CDH18: variants seen among roughly 807,000 people sequenced by gnomAD.
The protein encoded by CDH18 is cadherin-18.
CDH18 carries 31 observed loss-of-function variants against 67.9 expected under a neutral mutation model. The observed-to-expected ratio is 0.46, with a 90% CI of 0.34 to 0.62. The LOEUF (loss-of-function observed/expected upper bound fraction) is 0.62. CDH18 is among the 20% of genes least tolerant of loss of function. CDH18 has a pLI of 0.01. For synonymous variants in CDH18, 362 were observed against 347.2 expected (o/e 1.04, Z -0.48); for missense variants, 890 against 975.5 (o/e 0.91, Z 1.17).
At chr5:20,442,506 A>G (rs1749679905) in intron 1 of CDH18, among the ~76,000 whole-genome samples, 1 of 151,930 alleles carries the variant, frequency 6.6e-6, no homozygotes, top group Non-Finnish European at 1.5e-5. Context: ...TGTGCCATTA[A>G]GTGGTGCGCT....
intron 2 of CDH18, among the ~76,000 whole-genome samples, chr5:20,149,678 T>C (rs1191741008): frequency 6.6e-6 from 1 of 152,304 alleles, no homozygotes; most frequent in East Asian, 1.9e-4. Flanking sequence ...CATTATTTTA[T>C]GGATACTCAC....
intron 1 of CDH18, among the ~76,000 whole-genome samples, chr5:20,396,243 G>C (rs1029607601): frequency 1.3e-5 from 2 of 152,036 alleles, no homozygotes; most frequent in African/African-American, 4.8e-5. Flanking sequence ...GAAGGTATCA[G>C]AATTGAATTT....
chr5:20,508,415 T>G (rs1324297618), intron 1 of CDH18, among the ~76,000 whole-genome samples: 4 of 148,652 alleles, frequency 2.7e-5, no homozygotes, highest in Non-Finnish European at 6.0e-5. Context: ...TAGTATATTA[T>G]ATCCTTTGAG....
chr5:19,591,104 T>C lies in CDH18; in HGVS notation c.952A>G (p.Ile318Val), dbSNP rs1219264630. The C allele has an allele frequency of 1.2e-6, 2 of 1,610,402 alleles. No individual in the cohort carries two copies. The highest frequency in any genetic ancestry group is 2.2e-5 in the East Asian group (1 of 44,790). ...INGDGMGIFS[I>V]STDKETREGI... is the part of the protein sequence containing the mutation. ...TCTCTGGTCTCTTTGTCAGTGGAGA[T>C]TGAGAATATTCCCATGCCATCACCA... The change falls in exon 7 of 13, where the codon ATC becomes GTC. Residue 318 changes from isoleucine (I) to valine (V), a missense_variant. By Grantham distance (29) the Ile-to-Val change is conservative (BLOSUM62 3). Transcript: ENST00000382275.
rs78357875 is a variant in CDH18, at chr5:20,459,620, C to T, written c.-580+115842G>A. On this transcript the variant is annotated intron_variant, in intron 1 of 14. Coordinates refer to the CDH18 transcript ENST00000507958. ...AGACTTCCTGCCTCTGTGTACTGAA[C>T]ATAATTATATGGATGGGCTCTGGGC... Among the ~76,000 whole-genome samples the T allele has an allele frequency of 1.4e-3, 215 of 152,240 alleles. 6 individuals are homozygous for T. The East Asian group carries it at 0.035, about 25-fold the overall frequency.
intron 5 of CDH18, among the ~76,000 whole-genome samples, chr5:19,652,660 C>G (rs1018089088): frequency 6.6e-6 from 1 of 151,858 alleles, no homozygotes; most frequent in African/African-American, 2.4e-5. Flanking sequence ...GAGGAGGTGA[C>G]GATTGGCGTT....
intron 2 of CDH18, among the ~76,000 whole-genome samples, chr5:20,052,386 G>A (rs1201803096): frequency 6.6e-6 from 1 of 152,040 alleles, no homozygotes; most frequent in East Asian, 1.9e-4. Context: ...GGTTTCAGTT[G>A]ACATACTATC....
intron 2 of CDH18, among the ~76,000 whole-genome samples, chr5:19,871,700 T>A (rs1786319912): frequency 6.6e-6 from 1 of 152,032 alleles, no homozygotes; most frequent in South Asian, 2.1e-4. Flanking sequence ...TCCCCTGCTC[T>A]GAGGCATGAA....
intron 8 of CDH18, among the ~76,000 whole-genome samples, chr5:19,561,979 T>G (rs1203635490): frequency 6.6e-6 from 1 of 152,188 alleles, no homozygotes; most frequent in African/African-American, 2.4e-5. Flanking sequence ...CAAAGACTTT[T>G]GATTTTAAGC....
intron 1 of CDH18, among the ~76,000 whole-genome samples, chr5:20,336,180 G>A (rs748628096): frequency 6.6e-5 from 10 of 152,014 alleles, no homozygotes; most frequent in Admixed American, 5.2e-4. Flanking sequence ...TGGTGGACCC[G>A]ACTGCCTCAC....
chr5:19,892,006 C>T, intron 2 of CDH18, among the ~76,000 whole-genome samples: 1 of 152,120 alleles, frequency 6.6e-6, no homozygotes, highest in Admixed American at 6.6e-5. Flanking sequence ...CTTTTCTGTT[C>T]TCTTAGTCCT....
intron 1 of CDH18, among the ~76,000 whole-genome samples, chr5:20,335,394 T>C (rs553530379): frequency 2.4e-4 from 36 of 152,234 alleles, no homozygotes; most frequent in South Asian, 2.1e-3. Context: ...TTATTATTAT[T>C]ATTGTATTGT....
chr5:19,930,389 G>A (rs1579650111), intron 2 of CDH18, among the ~76,000 whole-genome samples: 1 of 151,644 alleles, frequency 6.6e-6, no homozygotes, highest in East Asian at 1.9e-4. Context: ...TAAAGAAAAA[G>A]GTGAAAAGAG....
intron 5 of CDH18, among the ~76,000 whole-genome samples, chr5:19,704,164 ATG>A (rs1165058274): frequency 6.6e-6 from 1 of 152,180 alleles, no homozygotes; most frequent in East Asian, 1.9e-4. Context: ...TTACTGATAA[ATG>A]TCCTACCTGT....
chr5:20,463,067 C>G (rs1367832049), intron 1 of CDH18, among the ~76,000 whole-genome samples: 1 of 152,090 alleles, frequency 6.6e-6, no homozygotes, highest in Non-Finnish European at 1.5e-5. Flanking sequence ...GCAGCACTGC[C>G]TTTTGCCAGA....
At chr5:19,709,003 G>A (rs1764334410) in intron 5 of CDH18, among the ~76,000 whole-genome samples, 1 of 8,600 alleles carries the variant, frequency 1.2e-4, no homozygotes. Context: ...ACTAGACTCT[G>A]TTAAATAAAT....
chr5:19,907,201 GAA>G (rs1406080341), intron 2 of CDH18, among the ~76,000 whole-genome samples: 1 of 151,842 alleles, frequency 6.6e-6, no homozygotes, highest in Non-Finnish European at 1.5e-5. Context: ...GTGTGTTTCA[GAA>G]ATGCTGTCTA....
intron 5 of CDH18, among the ~76,000 whole-genome samples, chr5:19,634,558 G>C (rs914729382): frequency 6.6e-6 from 1 of 152,138 alleles, no homozygotes; most frequent in Non-Finnish European, 1.5e-5. Flanking sequence ...GCAAAAGTTA[G>C]CATTTTTCTT....
chr5:19,937,951 A>T (rs1794448126), intron 2 of CDH18, among the ~76,000 whole-genome samples: 1 of 144,984 alleles, frequency 6.9e-6, no homozygotes, highest in African/African-American at 2.7e-5. Flanking sequence ...ACCTTGAAAA[A>T]ATATATTTGC....
Sources: allele counts gnomAD v4.1 joint callset (sites outside exome capture counted in the v4.1 genomes callset), GRCh38; gene constraint gnomAD v4.1.1; transcripts MANE v1.5; gene names NCBI Gene and HGNC (gene_info 2026-07-23, HGNC 2026-07-21).